Variants in EVL observed in about 807,000 individuals in gnomAD.
The protein encoded by EVL is ena/VASP-like protein.
In EVL, 21 loss-of-function variants were observed where a neutral mutation model predicts 59.6. The observed-to-expected ratio is 0.35, with a 90% CI of 0.25 to 0.51. The LOEUF (loss-of-function observed/expected upper bound fraction) is 0.51. Ranked by LOEUF, EVL falls within the 20% of genes least tolerant of loss-of-function variation. The probability of loss-of-function intolerance (pLI) is 0.97; values close to 1 mark genes in which losing one functional copy is unlikely to be tolerated. For missense variants in EVL, 462 were observed against 546.6 expected, an observed-to-expected ratio of 0.85 and a Z score of 1.54; for synonymous variants, 198 against 203.5, an observed-to-expected ratio of 0.97 and a Z score of 0.23.
intron 1 of EVL, among the ~76,000 whole-genome samples, chr14:100,067,899 G>A (rs1407569705): frequency 6.6e-6 from 1 of 152,186 alleles, no homozygotes; most frequent in African/African-American, 2.4e-5. Flanking sequence ...GACTGTCAGG[G>A]AAGACCTCAA....
At chr14:100,013,205 A>C (rs1314023374) in intron 1 of EVL, among the ~76,000 whole-genome samples, 1 of 152,210 alleles carries the variant, frequency 6.6e-6, no homozygotes, top group Admixed American at 6.5e-5. Flanking sequence ...CTAGGGTCCC[A>C]AGACACGTAA....
chr14:99,972,209 C>T lies in EVL; in HGVS notation c.5+152C>T, dbSNP rs2060738595. On this transcript the variant is annotated intron_variant, in intron 1 of 13. Coordinates refer to the EVL transcript ENST00000402714. The surrounding 1 kb of genome is among the most constrained non-coding windows in gnomAD (Gnocchi z 4.4). Reference sequence around the variant, plus strand: ...CGGGGGCTCTGCAGAGATTCGGGGGCATTCAGAGCGCGGGAATGGCTTCGC... The same window carrying T: ...CGGGGGCTCTGCAGAGATTCGGGGGTATTCAGAGCGCGGGAATGGCTTCGC... 1.3e-5 allele frequency among the ~76,000 whole-genome samples: 2 copies of T among 151,918 alleles called. No homozygotes were observed. The highest frequency in any genetic ancestry group is 4.2e-4 in the South Asian group (2 of 4,814).
At chr14:100,028,030 C>A (rs1266449287) in intron 1 of EVL, among the ~76,000 whole-genome samples, 1 of 152,128 alleles carries the variant, frequency 6.6e-6, no homozygotes, top group Non-Finnish European at 1.5e-5. Flanking sequence ...GGAGTAAAAT[C>A]AGTCTCTTCA....
rs149707584 is a variant in EVL at position 100,050,539 on chromosome 14, C to T, written c.6-34148C>T. 9.4e-4 allele frequency among the ~76,000 whole-genome samples: 142 copies of T among 151,748 alleles called. No homozygotes were observed. The Middle Eastern group carries it at 0.01, about 11-fold the overall frequency. On this transcript the variant is annotated intron_variant, in intron 1 of 13. Transcript: ENST00000402714. ...TAATTTATTGTATTTTTAGTAGAGA[C>T]GGGGTTTCACCGTGGTCTCGATCTC...
chr14:100,067,556 G>A (rs1249426788), intron 1 of EVL, among the ~76,000 whole-genome samples: 3 of 152,142 alleles, frequency 2.0e-5, no homozygotes, highest in Admixed American at 6.5e-5. Flanking sequence ...TCCCGGGCTC[G>A]AGCAAGCCTC....
rs61269416 is a variant in EVL at position 100,134,536 on chromosome 14, A to C, written c.901-1369A>C. 218 of 152,106 alleles carry C rather than the reference A, an allele frequency of 1.4e-3. 1 individual carries two copies. The highest frequency in any genetic ancestry group is 5.2e-3 in the African/African-American group (217 of 41,456). 9.4% of individuals were successfully genotyped at this position (152,106 alleles called of 1,614,324 possible). ...TCATACCCAGGACTAGCGTCTAAAG[A>C]GAGCAGGGCCTTCAGAAGATCCACA... On this transcript the variant is annotated intron_variant, in intron 8 of 13. Transcript: ENST00000392920.
intron 1 of EVL, among the ~76,000 whole-genome samples, chr14:100,052,453 T>C (rs1343444928): frequency 1.3e-5 from 2 of 152,152 alleles, no homozygotes; most frequent in African/African-American, 4.8e-5. Flanking sequence ...GATGTCACCT[T>C]AAAAATATGC....
chr14:100,132,164 C>T (rs542173036), intron 7 of EVL, among the ~76,000 whole-genome samples: 6 of 151,442 alleles, frequency 4.0e-5, no homozygotes, highest in East Asian at 3.9e-4. Flanking sequence ...GGGAGGTGCA[C>T]GAACCGACTC....
Position 100,003,598 on chromosome 14 carries a change from G to A in EVL, c.5+31541G>A, listed in dbSNP as rs2060959616. Among the ~76,000 whole-genome samples the A allele has an allele frequency of 2.6e-5, 4 of 152,032 alleles. No individual in the cohort carries two copies. In the South Asian group the frequency reaches 8.3e-4, roughly 32 times the overall value. Reference sequence around the variant, plus strand: ...TTCCCGGCTAATTTTTGTATTTTTAGTAGAGACGGGGTTTCACCATGTTGG... The same window carrying A: ...TTCCCGGCTAATTTTTGTATTTTTAATAGAGACGGGGTTTCACCATGTTGG... On this transcript the variant is annotated intron_variant, in intron 1 of 13. Transcript: ENST00000402714.
chr14:100,010,316 G>A lies in EVL; in HGVS notation c.5+38259G>A, dbSNP rs2061008348. 1.1e-4 allele frequency among the ~76,000 whole-genome samples: 17 copies of A among 152,188 alleles called. 1 individual carries two copies. Among genetic ancestry groups the A allele is most frequent in the Admixed American group, 9.8e-4 (15 of 15,280 alleles). On this transcript the variant is annotated intron_variant, in intron 1 of 13. Coordinates refer to the EVL transcript ENST00000402714. ...GATGAGAATTTATGGTTTGTAGGGC[G>A]TGACTCCTAGACCCCTTAGGTAGGA... is the stretch of plus-strand genomic sequence containing the variant.
At chr14:100,087,213 T>C (rs978848058) in intron 2 of EVL, among the ~76,000 whole-genome samples, 6 of 152,228 alleles carry the variant, frequency 3.9e-5, no homozygotes, top group Admixed American at 2.0e-4. Context: ...TAATCAGTTA[T>C]GGAGAAAATA....
chr14:100,034,856 G>A (rs766273835), intron 1 of EVL, among the ~76,000 whole-genome samples: 14 of 152,298 alleles, frequency 9.2e-5, no homozygotes, highest in Non-Finnish European at 1.6e-4. Context: ...TTATATATTC[G>A]TTTTGAGTCT....
At chr14:100,003,041 C>T (rs759197529) in intron 1 of EVL, among the ~76,000 whole-genome samples, 14 of 152,120 alleles carry the variant, frequency 9.2e-5, no homozygotes, top group Non-Finnish European at 1.6e-4. Flanking sequence ...ACATAGGAGC[C>T]CGTATGCTGG....
At chr14:100,131,163 G>A (rs1888412036) in intron 7 of EVL, among the ~76,000 whole-genome samples, 1 of 152,202 alleles carries the variant, frequency 6.6e-6, no homozygotes, top group Non-Finnish European at 1.5e-5. Flanking sequence ...AGCACTCAGA[G>A]GCGAGGATGG....
At chr14:99,986,470 T>C (rs2060841298) in intron 1 of EVL, among the ~76,000 whole-genome samples, 1 of 152,100 alleles carries the variant, frequency 6.6e-6, no homozygotes, top group Non-Finnish European at 1.5e-5. Context: ...AGCAACAGAC[T>C]GAATCAGATA....
chr14:100,097,427 AGC>A, intron 2 of EVL, 52 bp from the exon 3 acceptor site: 1 of 1,524,746 alleles, frequency 6.6e-7, no homozygotes, highest in African/African-American at 1.4e-5. Context: ...AGCGCCCTCG[AGC>A]TCACTTACAT....
At position 100,128,591 on chromosome 14, in the gene EVL, C is replaced by T. The variant is rs1566721915; in HGVS notation, c.560C>T (p.Pro187Leu). ...APVSCSGPPP[P>L]PPPPVPPPPT... ...GTCTCATGTAGTGGGCCTCCACCGC[C>T]CCCCCCACCCCCAGTCCCACCTCCA... Residue 187 changes from proline (P) to leucine (L), a missense_variant, in exon 6 of 14, where the codon CCC becomes CTC. Physicochemically the swap from Pro to Leu is moderately conservative, Grantham distance 98. Transcript: ENST00000392920. 4 of 1,527,560 alleles carry T rather than the reference C, an allele frequency of 2.6e-6. No individual in the cohort carries two copies. The highest frequency in any genetic ancestry group is 2.3e-5 in the East Asian group (1 of 43,710). 94.6% of individuals were successfully genotyped at this position (1,527,560 alleles called of 1,614,324 possible). A position where few individuals can be genotyped will look rare whatever the true frequency, so the allele number is the denominator to read the frequency against.
At chr14:99,982,031 G>C (rs1408848100) in intron 1 of EVL, among the ~76,000 whole-genome samples, 1 of 152,194 alleles carries the variant, frequency 6.6e-6, no homozygotes, top group African/African-American at 2.4e-5. Context: ...AGGGTGAGAA[G>C]AGTGGCCGGT....
At chr14:100,121,919 G>T (rs1441699265) in intron 3 of EVL, among the ~76,000 whole-genome samples, 1 of 152,192 alleles carries the variant, frequency 6.6e-6, no homozygotes, top group Non-Finnish European at 1.5e-5. Context: ...TGCTAGACAG[G>T]GTCGCTGGGA....
Sources: allele counts gnomAD v4.1 joint callset (sites outside exome capture counted in the v4.1 genomes callset), GRCh38; gene constraint gnomAD v4.1.1; non-coding constraint Gnocchi (gnomAD v3.1); transcripts MANE v1.5; gene names NCBI Gene and HGNC (gene_info 2026-07-23, HGNC 2026-07-21).